The following PARPBP variants were observed in gnomAD, a reference collection of about 807,000 sequenced individuals.
PARPBP encodes the protein PARP1 binding protein.
Under a neutral mutation model 50.0 loss-of-function variants are expected in PARPBP, and 52 were observed. The ratio of observed to expected loss-of-function variants is 1.04; its 90% CI spans 0.83 to 1.31. PARPBP has a LOEUF of 1.31. PARPBP is among the 50% of genes most tolerant of loss of function. The pLI, the probability that PARPBP is intolerant of heterozygous loss-of-function variation, is 0.00. For synonymous variants in PARPBP, 244 were observed against 232.1 expected (o/e 1.05, Z -0.47); for missense variants, 697 against 672.0 (o/e 1.04, Z -0.41).
intron 2 of PARPBP, among the ~76,000 whole-genome samples, chr12:102,137,777 A>T (rs547379620): frequency 6.6e-6 from 1 of 151,918 alleles, no homozygotes; most frequent in African/African-American, 2.4e-5. Context: ...TCCTTGAGAT[A>T]GTTTGCTCGG....
intron 3 of PARPBP, among the ~76,000 whole-genome samples, chr12:102,152,264 T>C (rs1412845177): frequency 1.3e-5 from 2 of 152,194 alleles, no homozygotes; most frequent in Non-Finnish European, 2.9e-5. Flanking sequence ...TCTAAGTCCA[T>C]CTAGGATCTT....
intron 2 of PARPBP, among the ~76,000 whole-genome samples, chr12:102,140,564 A>C (rs2138088131): frequency 6.6e-6 from 1 of 152,042 alleles, no homozygotes. Context: ...TAGTTCTTTT[A>C]ATTGTGATGT....
chr12:102,122,562 GA>G (rs949616766), intron 1 of PARPBP, among the ~76,000 whole-genome samples: 1 of 152,112 alleles, frequency 6.6e-6, no homozygotes, highest in Non-Finnish European at 1.5e-5. Context: ...CTTAAAGTAG[GA>G]AAAAAACTTT....
At chr12:102,186,113 T>C (rs1206774046) in intron 9 of PARPBP, among the ~76,000 whole-genome samples, 4 of 150,940 alleles carry the variant, frequency 2.7e-5, no homozygotes, top group African/African-American at 4.8e-5. Context: ...TTGTTGGTCA[T>C]AGTGGTCTCT....
rs377287782 is a variant in PARPBP at position 102,153,932 on chromosome 12, A to G, written c.451A>G (p.Ile151Val). ...YAVGDETDLS[I>V]PTSPTSKYNR... ...AGTAGGTGATGAAACTGATCTTTCT[A>G]TACCAACATCACCAACAAGTAAATA... Residue 151 changes from isoleucine (I) to valine (V), a missense_variant, in exon 4 of 11, where the codon ATA becomes GTA. Transcript: ENST00000327680. 1.2e-5 allele frequency: 19 copies of G among 1,610,312 alleles called. No individual in the cohort carries two copies. Among genetic ancestry groups the G allele is most frequent in the African/African-American group, 8.0e-5 (6 of 74,850 alleles).
chr12:102,178,142 C>T (rs1232069673), intron 7 of PARPBP, among the ~76,000 whole-genome samples: 1 of 152,166 alleles, frequency 6.6e-6, no homozygotes, highest in African/African-American at 2.4e-5. Context: ...ATATGCTTAT[C>T]AATGATTATT....
intron 1 of PARPBP, among the ~76,000 whole-genome samples, chr12:102,121,030 T>G (rs1460527312): frequency 6.6e-6 from 1 of 152,226 alleles, no homozygotes; most frequent in Non-Finnish European, 1.5e-5. Context: ...TGTTTTTTTG[T>G]ATAGTGCAGC....
chr12:102,173,046 AT>A (rs780432836), intron 6 of PARPBP, among the ~76,000 whole-genome samples: 3 of 152,198 alleles, frequency 2.0e-5, no homozygotes, highest in Non-Finnish European at 4.4e-5. Flanking sequence ...TGGATAGCAT[AT>A]TTCAAAAATT....
rs758656040 is a variant in PARPBP, at chr12:102,165,825, A to G, written c.763A>G (p.Asn255Asp). ...AAGGACACATGTAAAGGGATTGTCT[A>G]ATTTTATTAATTTCATTGACAAATT... ...PLRTHVKGLS[N>D]FINFIDKLDE... is the part of the protein sequence containing the mutation. Residue 255 changes from asparagine to aspartate, a missense_variant, in exon 6 of 11, where the codon AAT becomes GAT. Asn to Asp is a conservative substitution (Grantham distance 23). Transcript: ENST00000327680. 3 of 1,586,754 alleles carry G rather than the reference A, an allele frequency of 1.9e-6. No homozygotes were observed. The African/African-American group carries it at 4.0e-5, about 21-fold the overall frequency.
rs764149732 is a variant in PARPBP, at chr12:102,148,290, C to T, written c.214C>T (p.His72Tyr). The change falls in exon 3 of 11, where the codon CAT becomes TAT. Residue 72 changes from histidine (H) to tyrosine (Y), a missense_variant. Physicochemically the swap from His to Tyr is moderately conservative, Grantham distance 83. Coordinates refer to ENST00000327680, the MANE Select transcript of PARPBP (RefSeq NM_017915.5). ...DVLLTWKYLL[H>Y]EKLNLPVENM... The stretch of plus-strand genomic sequence containing the variant: ...TTTATTGACATGGAAATACTTGCTC[C>T]ATGAGAAATTGAACTTACCAGTTGA... 6.8e-6 allele frequency: 11 copies of T among 1,608,378 alleles called. No individual in the cohort carries two copies. In the Admixed American group the frequency reaches 1.7e-4, roughly 24 times the overall value.
intron 7 of PARPBP, among the ~76,000 whole-genome samples, chr12:102,176,445 C>T (rs1050578462): frequency 6.6e-6 from 1 of 152,158 alleles, no homozygotes; most frequent in African/African-American, 2.4e-5. Flanking sequence ...AAATCTCTGT[C>T]TCTTGTTTTC....
Position 102,197,322 on chromosome 12 carries a change from A to T in PARPBP, c.*1031A>T. 2 of 835,404 alleles carry T rather than the reference A, an allele frequency of 2.4e-6. No homozygotes were observed. Among genetic ancestry groups the T allele is most frequent in the African/African-American group, 1.7e-5 (1 of 58,090 alleles). 51.7% of individuals were successfully genotyped at this position (835,404 alleles called of 1,614,324 possible). On this transcript the variant is annotated 3_prime_UTR_variant, in exon 11 of 11. Transcript: ENST00000327680. ...CCTTAGATGCAAATTTATAGGAGAA[A>T]AAACACTTTCAGATAAGAGGTGTTT...
chr12:102,134,871 T>C (rs1285185370), intron 2 of PARPBP, among the ~76,000 whole-genome samples: 1 of 152,078 alleles, frequency 6.6e-6, no homozygotes, highest in African/African-American at 2.4e-5. Context: ...AGAGACAGGG[T>C]TTCTCCATGT....
chr12:102,145,027 T>C (rs1885165421), intron 2 of PARPBP, among the ~76,000 whole-genome samples: 1 of 152,112 alleles, frequency 6.6e-6, no homozygotes, highest in East Asian at 1.9e-4. Context: ...TTTTTTTAGT[T>C]GTGTTTGTAT....
At chr12:102,156,434 C>T (rs1023133352) in intron 4 of PARPBP, among the ~76,000 whole-genome samples, 33 of 151,578 alleles carry the variant, frequency 2.2e-4, no homozygotes, top group Non-Finnish European at 3.2e-4. Flanking sequence ...CCTCGTGATC[C>T]GCCCACCTTG....
At chr12:102,182,430 C>T in intron 8 of PARPBP, 119 bp from the exon 9 acceptor site, 2 of 660,120 alleles carry the variant, frequency 3.0e-6, no homozygotes, top group Non-Finnish European at 5.3e-6. Flanking sequence ...GGAGGTAACC[C>T]CATCATAAGT....
chr12:102,154,752 C>G, intron 4 of PARPBP: 1 of 419,470 alleles, frequency 2.4e-6, no homozygotes. Flanking sequence ...TGAAATGGTC[C>G]TACAAAGCTG....
chr12:102,136,839 A>G (rs759302521), intron 2 of PARPBP, among the ~76,000 whole-genome samples: 5 of 152,220 alleles, frequency 3.3e-5, no homozygotes, highest in Non-Finnish European at 7.3e-5. Flanking sequence ...AGTAGCATAT[A>G]GTAATTAAAA....
At chr12:102,161,131 A>T (rs936898191) in intron 4 of PARPBP, among the ~76,000 whole-genome samples, 2 of 151,932 alleles carry the variant, frequency 1.3e-5, no homozygotes, top group African/African-American at 2.4e-5. Flanking sequence ...CTTTGGAGAC[A>T]GTCTCATTCT....
Sources: allele counts gnomAD v4.1 joint callset (sites outside exome capture counted in the v4.1 genomes callset), GRCh38; gene constraint gnomAD v4.1.1; transcripts MANE v1.5; gene names NCBI Gene and HGNC (gene_info 2026-07-23, HGNC 2026-07-21).